Variants in CCDC148 observed in about 807,000 individuals in gnomAD.
The protein encoded by CCDC148 is coiled-coil domain containing 148, also known as coiled-coil domain-containing protein 148.
In CCDC148, 89 loss-of-function variants were observed where a neutral mutation model predicts 85.7. That is an observed-to-expected ratio of 1.04 (90% CI 0.87 to 1.24). CCDC148 has a LOEUF of 1.24. Among genes scored for constraint, CCDC148 ranks in the 50% most tolerant of loss-of-function variants. The pLI is 0.00. For synonymous variants in CCDC148, 230 were observed against 213.9 expected (o/e 1.08, Z -0.66); for missense variants, 692 against 671.7 (o/e 1.03, Z -0.33).
chr2:158,267,645 T>G (rs1689526861), intron 9 of CCDC148, among the ~76,000 whole-genome samples: 1 of 152,132 alleles, frequency 6.6e-6, no homozygotes, highest in African/African-American at 2.4e-5. Context: ...AAATTAGAGA[T>G]TGTCATTGAT....
In CCDC148 at chr2:158,430,322, G is replaced by A. The variant is rs543466467; in HGVS notation, c.25+26093C>T. 2.6e-5 allele frequency among the ~76,000 whole-genome samples: 4 copies of A among 152,194 alleles called. No individual in the cohort carries two copies. The South Asian group carries it at 8.3e-4, about 32-fold the overall frequency. On this transcript the variant is annotated intron_variant, in intron 1 of 13. Transcript: ENST00000283233. ...AAAAACAAGCCTCAACCTGATCCAT[G>A]AGTCTTAGCAGCCTGCCAAAACAAG...
intron 9 of CCDC148, among the ~76,000 whole-genome samples, chr2:158,266,884 ATATT>A (rs1010217704): frequency 2.9e-4 from 42 of 146,616 alleles, no homozygotes; most frequent in African/African-American, 9.4e-4. Context: ...ACATATATAT[ATATT>A]TATTTACATA....
At chr2:158,277,838 C>T (rs536762560) in intron 9 of CCDC148, among the ~76,000 whole-genome samples, 27 of 152,100 alleles carry the variant, frequency 1.8e-4, no homozygotes, top group Non-Finnish European at 2.9e-4. Context: ...CCTTGTGATC[C>T]GCCCACTTCA....
intron 1 of CCDC148, among the ~76,000 whole-genome samples, chr2:158,414,211 CAA>C (rs1204467595): frequency 1.3e-5 from 2 of 151,976 alleles, no homozygotes; most frequent in Non-Finnish European, 2.9e-5. Context: ...CTTAATTATA[CAA>C]ATAATGCATA....
intron 1 of CCDC148, among the ~76,000 whole-genome samples, chr2:158,401,060 G>T (rs1402344182): frequency 6.6e-6 from 1 of 152,136 alleles, no homozygotes; most frequent in African/African-American, 2.4e-5. Context: ...CACATATGCT[G>T]GAGAGGATGT....
chr2:158,327,214 G>C (rs992038202), intron 7 of CCDC148, among the ~76,000 whole-genome samples: 6 of 152,134 alleles, frequency 3.9e-5, no homozygotes, highest in Non-Finnish European at 8.8e-5. Context: ...GATCTGGGAA[G>C]TCCTGCTGAT....
At position 158,316,808 on chromosome 2, in the gene CCDC148, T is replaced by C. The variant is rs145032479; in HGVS notation, c.765-2914A>G. ...ACGTATATACTGAGCCTTTGAATAG[T>C]AAAAATCTAAGAATATTTAAACATA... On this transcript the variant is annotated intron_variant, in intron 7 of 13. Transcript: ENST00000283233. Among the ~76,000 whole-genome samples the C allele has an allele frequency of 3.7e-3, 557 of 152,270 alleles. 1 individual carries two copies. The highest frequency in any genetic ancestry group is 0.017 in the Middle Eastern group (5 of 294).
chr2:158,456,014 TTC>T (rs1199533512), intron 1 of CCDC148, among the ~76,000 whole-genome samples: 1 of 152,204 alleles, frequency 6.6e-6, no homozygotes, highest in Non-Finnish European at 1.5e-5. Flanking sequence ...GAAGGATTGT[TTC>T]TGTTTCCTCT....
At chr2:158,424,604 T>C (rs1686983354) in intron 1 of CCDC148, 1 of 155,390 alleles carries the variant, frequency 6.4e-6, no homozygotes, top group Admixed American at 6.4e-5. Flanking sequence ...CATTAGGAAA[T>C]ATACCTAATG....
chr2:158,340,506 G>GCAGTTAAT lies in CCDC148; in HGVS notation c.334+84_334+91dup. The GCAGTTAAT allele has an allele frequency of 2.1e-6, 3 of 1,404,364 alleles. No homozygotes were observed. The South Asian group carries it at 4.0e-5, about 19-fold the overall frequency. The allele number at this position is 1,404,364 out of a possible 1,614,324, so 87.0% of individuals were successfully genotyped here. A position where few individuals can be genotyped will look rare whatever the true frequency, so the allele number is the denominator to read the frequency against. ...GGATTTCCTTAGAAAAAAACAAATG[G>GCAGTTAAT]CAGTTAATATTAAAAGAACATGAAG... On this transcript the variant is annotated intron_variant, in intron 4 of 13. Coordinates refer to ENST00000283233, the MANE Select transcript of CCDC148 (RefSeq NM_138803.4).
At chr2:158,178,823 C>G in intron 12 of CCDC148, 56 bp downstream of exon 12, 1 of 1,253,222 alleles carries the variant, frequency 8.0e-7, no homozygotes, top group African/African-American at 1.5e-5. Flanking sequence ...ATTAAGAGCA[C>G]TTAGAAACAT....
At chr2:158,246,501 A>G (rs113337713) in intron 10 of CCDC148, among the ~76,000 whole-genome samples, 2,643 of 152,260 alleles carry the variant, frequency 0.017, 55 homozygotes, top group African/African-American at 0.04. Flanking sequence ...ACGCACACAC[A>G]CTGCCCCAGT....
At chr2:158,352,551 A>G (rs1444933712) in intron 2 of CCDC148, among the ~76,000 whole-genome samples, 2 of 152,100 alleles carry the variant, frequency 1.3e-5, no homozygotes, top group African/African-American at 4.8e-5. Flanking sequence ...AAATGAGCAA[A>G]GCCTCCAAGA....
chr2:158,194,600 A>G (rs1315699230), intron 11 of CCDC148, among the ~76,000 whole-genome samples: 2 of 152,094 alleles, frequency 1.3e-5, no homozygotes, highest in Non-Finnish European at 2.9e-5. Context: ...GCATTTTCAT[A>G]TTACCCATCA....
At chr2:158,280,564 CAAG>C (rs1205936717) in intron 9 of CCDC148, among the ~76,000 whole-genome samples, 1 of 152,182 alleles carries the variant, frequency 6.6e-6, no homozygotes, top group East Asian at 1.9e-4. Context: ...ATCAATTCAA[CAAG>C]AAGAGCTAAC....
chr2:158,224,710 G>A (rs547001708), intron 10 of CCDC148, among the ~76,000 whole-genome samples: 35 of 152,232 alleles, frequency 2.3e-4, no homozygotes, highest in South Asian at 2.1e-3. Context: ...ACTAAGCTTC[G>A]TAAGTGAAGG....
At chr2:158,178,832 A>ATT (rs3836162) in intron 12 of CCDC148, 47 bp downstream of exon 12, 80,667 of 1,280,108 alleles carry the variant, frequency 0.063, 2,583 homozygotes, top group Non-Finnish European at 0.069. Context: ...ACTTAGAAAC[A>ATT]TTTTTTTTAA....
At chr2:158,375,050 T>C (rs1684599421) in intron 1 of CCDC148, among the ~76,000 whole-genome samples, 1 of 152,134 alleles carries the variant, frequency 6.6e-6, no homozygotes, top group African/African-American at 2.4e-5. Context: ...ATGCAAAACC[T>C]GCAGAGATGG....
intron 1 of CCDC148, among the ~76,000 whole-genome samples, chr2:158,405,157 G>A (rs1453079760): frequency 6.6e-6 from 1 of 152,070 alleles, no homozygotes; most frequent in East Asian, 1.9e-4. Flanking sequence ...GTTCCTTATA[G>A]GGCCAGGAGG....
Sources: allele counts gnomAD v4.1 joint callset (sites outside exome capture counted in the v4.1 genomes callset), GRCh38; gene constraint gnomAD v4.1.1; transcripts MANE v1.5; gene names NCBI Gene and HGNC (gene_info 2026-07-23, HGNC 2026-07-21).